The following DNER variants were observed in gnomAD, a reference collection of about 807,000 sequenced individuals.
DNER encodes delta and Notch-like epidermal growth factor-related receptor.
Under a neutral mutation model 78.2 loss-of-function variants are expected in DNER, and 33 were observed. The observed-to-expected ratio is 0.42, with a 90% CI of 0.32 to 0.56. DNER has a LOEUF of 0.56. DNER is among the 20% of genes least tolerant of loss of function. The pLI is 0.11. For synonymous variants in DNER, 417 were observed against 384.8 expected (o/e 1.08, Z -0.98); for missense variants, 918 against 975.3 (o/e 0.94, Z 0.78).
intron 4 of DNER, among the ~76,000 whole-genome samples, chr2:229,553,040 C>A (rs1487811315): frequency 6.6e-6 from 1 of 152,136 alleles, no homozygotes; most frequent in Non-Finnish European, 1.5e-5. Flanking sequence ...CTCATCCAGG[C>A]CATCGCATCC....
At chr2:229,623,272 A>G (rs1698281908) in intron 1 of DNER, among the ~76,000 whole-genome samples, 1 of 151,940 alleles carries the variant, frequency 6.6e-6, no homozygotes, top group Non-Finnish European at 1.5e-5. Context: ...GACAAGCTCT[A>G]TGGTCCATAA....
chr2:229,418,119 G>A lies in DNER; in HGVS notation c.1598C>T (p.Ala533Val), dbSNP rs754144752. Residue 533 changes from alanine to valine, a missense_variant, in exon 9 of 13, where the codon GCA becomes GTA. Ala to Val is a moderately conservative substitution (Grantham distance 64). Coordinates refer to ENST00000341772, the MANE Select transcript of DNER (RefSeq NM_139072.4). ...LVNGYECVCL[A>V]EYKGTHCELY... ...AGGCGGCCTCTCACCTTTGTATTCT[G>A]CCAGGCACACACACTCATAGCCATT... 2 of 1,614,146 alleles carry A rather than the reference G, an allele frequency of 1.2e-6. No individual in the cohort carries two copies. The highest frequency in any genetic ancestry group is 2.2e-5 in the South Asian group (2 of 91,080).
intron 1 of DNER, among the ~76,000 whole-genome samples, chr2:229,597,916 G>A (rs1204829072): frequency 3.3e-5 from 5 of 152,194 alleles, no homozygotes; most frequent in Admixed American, 2.0e-4. Flanking sequence ...TAAAATGGGA[G>A]GCCAGACCTG....
At chr2:229,544,200 G>A (rs1317276361) in intron 5 of DNER, among the ~76,000 whole-genome samples, 1 of 152,058 alleles carries the variant, frequency 6.6e-6, no homozygotes, top group Non-Finnish European at 1.5e-5. Flanking sequence ...AAAGTATGTT[G>A]ATACATGAGG....
intron 1 of DNER, among the ~76,000 whole-genome samples, chr2:229,687,163 C>T (rs1699496299): frequency 6.6e-6 from 1 of 152,112 alleles, no homozygotes; most frequent in African/African-American, 2.4e-5. Context: ...ATTATTTAAA[C>T]ATTCTCCTAT....
At chr2:229,631,584 A>G (rs933476907) in intron 1 of DNER, among the ~76,000 whole-genome samples, 1 of 152,226 alleles carries the variant, frequency 6.6e-6, no homozygotes, top group African/African-American at 2.4e-5. Flanking sequence ...TATTATTTTC[A>G]TAATTTAAAA....
At chr2:229,627,693 C>A (rs1248557230) in intron 1 of DNER, among the ~76,000 whole-genome samples, 2 of 152,076 alleles carry the variant, frequency 1.3e-5, no homozygotes, top group Non-Finnish European at 2.9e-5. Flanking sequence ...AACAAGACTC[C>A]CAGTAAAAAC....
chr2:229,607,656 A>G (rs1043523198), intron 1 of DNER, among the ~76,000 whole-genome samples: 1 of 152,170 alleles, frequency 6.6e-6, no homozygotes, highest in Non-Finnish European at 1.5e-5. Flanking sequence ...ACATTGAACA[A>G]TGTTTCAGAT....
chr2:229,580,285 A>G (rs963981017), intron 4 of DNER: 1 of 152,196 alleles, frequency 6.6e-6, no homozygotes, highest in Non-Finnish European at 1.5e-5. Context: ...CTCAGCTCCA[A>G]CAAGGACATT....
chr2:229,398,943 T>TA (rs891140191), intron 10 of DNER, among the ~76,000 whole-genome samples: 28 of 150,592 alleles, frequency 1.9e-4, no homozygotes, highest in South Asian at 6.3e-4. Flanking sequence ...AAACAGCATC[T>TA]AAAAAAAAAC....
chr2:229,696,214 A>T (rs1385690407), intron 1 of DNER, among the ~76,000 whole-genome samples: 1 of 152,228 alleles, frequency 6.6e-6, no homozygotes, highest in East Asian at 1.9e-4. Flanking sequence ...TACTGAGCTC[A>T]TTAAAAAACC....
At chr2:229,367,314 C>A (rs907690881) in intron 11 of DNER, among the ~76,000 whole-genome samples, 195 bp from the exon 12 acceptor site, 2 of 152,100 alleles carry the variant, frequency 1.3e-5, no homozygotes, top group African/African-American at 4.8e-5. Flanking sequence ...CTAAGAAAAA[C>A]TACAGGCCGG....
chr2:229,495,462 C>T (rs1447162521), intron 6 of DNER, among the ~76,000 whole-genome samples: 3 of 152,086 alleles, frequency 2.0e-5, no homozygotes, highest in East Asian at 1.9e-4. Flanking sequence ...TGTAAGTTCC[C>T]GTCTGAAAGC....
chr2:229,664,551 G>C (rs1244818684), intron 1 of DNER, among the ~76,000 whole-genome samples: 2 of 152,116 alleles, frequency 1.3e-5, no homozygotes, highest in African/African-American at 4.8e-5. Flanking sequence ...ACTGATGTTG[G>C]CAGATAAGAC....
chr2:229,393,664 G>A (rs1172804113), intron 10 of DNER, among the ~76,000 whole-genome samples: 3 of 151,994 alleles, frequency 2.0e-5, no homozygotes, highest in Non-Finnish European at 4.4e-5. Flanking sequence ...TGGCTAACAC[G>A]GTGAAACCCC....
At position 229,413,743 on chromosome 2, in the gene DNER, GTTATA is replaced by G. The variant is rs554598879; in HGVS notation, c.1609+4360_1609+4364del. On this transcript the variant is annotated intron_variant, in intron 9 of 12. Coordinates refer to ENST00000341772, the MANE Select transcript of DNER (RefSeq NM_139072.4). ...TGTTATATATATAGTGTTATATATA[GTTATA>G]TTATATATATCCTCCTAAAAATATA... is the stretch of plus-strand genomic sequence containing the variant. Among the ~76,000 whole-genome samples, 167 of 150,286 alleles carry G rather than the reference GTTATA, an allele frequency of 1.1e-3. 2 individuals carry two copies. The highest frequency in any genetic ancestry group is 3.6e-3 in the South Asian group (17 of 4,768).
chr2:229,531,494 A>T (rs1024375113), intron 5 of DNER, among the ~76,000 whole-genome samples: 9 of 151,558 alleles, frequency 5.9e-5, no homozygotes, highest in Admixed American at 2.0e-4. Context: ...TGGCAAGAAT[A>T]AAAAAAAATG....
At chr2:229,503,036 A>G (rs980051361) in intron 6 of DNER, among the ~76,000 whole-genome samples, 1 of 152,198 alleles carries the variant, frequency 6.6e-6, no homozygotes. Context: ...TTACCCCTCA[A>G]ATAATTCTTT....
At chr2:229,386,169 T>C (rs1158055049) in intron 11 of DNER, among the ~76,000 whole-genome samples, 1 of 152,136 alleles carries the variant, frequency 6.6e-6, no homozygotes, top group Non-Finnish European at 1.5e-5. Flanking sequence ...TGATGCCACA[T>C]ATCTACAACC....
Sources: allele counts gnomAD v4.1 joint callset (sites outside exome capture counted in the v4.1 genomes callset), GRCh38; gene constraint gnomAD v4.1.1; transcripts MANE v1.5; gene names NCBI Gene and HGNC (gene_info 2026-07-23, HGNC 2026-07-21).